The following PDE9A variants were observed in gnomAD, a reference collection of about 807,000 sequenced individuals.
PDE9A encodes phosphodiesterase 9A.
Under a neutral mutation model 87.4 loss-of-function variants are expected in PDE9A, and 60 were observed. The observed-to-expected ratio is 0.69, with a 90% CI of 0.56 to 0.85. The LOEUF (loss-of-function observed/expected upper bound fraction) is 0.85, where lower values mean the gene tolerates loss of function less well. PDE9A is among the 40% of genes least tolerant of loss of function. The pLI, the probability that PDE9A is intolerant of heterozygous loss-of-function variation, is 0.00. For missense variants in PDE9A, 665 were observed against 779.0 expected (o/e 0.85, Z 1.74); for synonymous variants, 272 against 279.4 (o/e 0.97, Z 0.27).
At chr21:42,773,124 TTGTGGCG>T (rs1272314155) in intron 19 of PDE9A, among the ~76,000 whole-genome samples, 1 of 151,016 alleles carries the variant, frequency 6.6e-6, no homozygotes, top group Non-Finnish European at 1.5e-5. Context: ...TAGCCAGGTG[TTGTGGCG>T]TGCACCTGTA....
At chr21:42,661,049 TGAGATGGA>T (rs1283757813) in intron 1 of PDE9A, among the ~76,000 whole-genome samples, 60 of 151,540 alleles carry the variant, frequency 4.0e-4, no homozygotes, top group Non-Finnish European at 1.0e-4. Flanking sequence ...TTTTTTTTTT[TGAGATGGA>T]GTCTCGCTCT....
At chr21:42,765,137 G>A (rs2056267323) in intron 14 of PDE9A, among the ~76,000 whole-genome samples, 1 of 151,944 alleles carries the variant, frequency 6.6e-6, no homozygotes, top group Non-Finnish European at 1.5e-5. Flanking sequence ...ATGGATGGAA[G>A]GGCAGATGGA....
chr21:42,754,119 G>T, intron 10 of PDE9A, 55 bp downstream of exon 10: 1 of 1,042,050 alleles, frequency 9.6e-7, no homozygotes, highest in Non-Finnish European at 1.5e-6. Context: ...TCAGGATCTT[G>T]GACGCCAGTG....
At chr21:42,730,887 T>C (rs1056915839) in intron 4 of PDE9A, among the ~76,000 whole-genome samples, 1 of 152,238 alleles carries the variant, frequency 6.6e-6, no homozygotes, top group Admixed American at 6.5e-5. Flanking sequence ...TGTGAACATT[T>C]TTAGCTTCTG....
intron 4 of PDE9A, among the ~76,000 whole-genome samples, chr21:42,718,089 C>CG (rs1477539403): frequency 6.6e-6 from 1 of 150,882 alleles, no homozygotes; most frequent in Non-Finnish European, 1.5e-5. Context: ...TTAGTAGAGA[C>CG]AGGATTTCAC....
chr21:42,720,768 G>A (rs1466184860), intron 4 of PDE9A, among the ~76,000 whole-genome samples: 1 of 151,988 alleles, frequency 6.6e-6, no homozygotes, highest in Non-Finnish European at 1.5e-5. Context: ...CACTTTGGGA[G>A]GCCGAGGTGG....
At chr21:42,706,774 C>T (rs577835265) in intron 4 of PDE9A, among the ~76,000 whole-genome samples, 13 of 152,132 alleles carry the variant, frequency 8.5e-5, no homozygotes, top group Non-Finnish European at 1.8e-4. Flanking sequence ...AGCAGTCCCC[C>T]CTCCATCCCC....
At position 42,705,379 on chromosome 21, in the gene PDE9A, C is replaced by T. The variant is rs2048736021; in HGVS notation, c.262+6368C>T. Among the ~76,000 whole-genome samples the T allele has an allele frequency of 6.6e-6, 1 of 152,078 alleles. No individual in the cohort carries two copies. The highest frequency in any genetic ancestry group is 2.1e-4 in the South Asian group (1 of 4,814). Reference sequence around the variant, plus strand: ...GCTCAAACTCAAAGAGTGTTGTTTTCCAGATTATAAAACACAGATCTCAGC... The same window carrying T: ...GCTCAAACTCAAAGAGTGTTGTTTTTCAGATTATAAAACACAGATCTCAGC... On this transcript the variant is annotated intron_variant, in intron 4 of 19. Coordinates refer to ENST00000291539, the MANE Select transcript of PDE9A (RefSeq NM_002606.3). This position sits in a 1 kb window ranked among gnomAD's most constrained non-coding sequence, Gnocchi z 4.3.
intron 14 of PDE9A, among the ~76,000 whole-genome samples, chr21:42,763,747 C>T (rs2056068213): frequency 6.6e-6 from 1 of 152,200 alleles, no homozygotes; most frequent in Non-Finnish European, 1.5e-5. Context: ...AGAAAGACTG[C>T]CTGGACTTCA....
rs2051943942 is a variant in PDE9A at position 42,732,706 on chromosome 21, G to T, written c.497+582G>T. Among the ~76,000 whole-genome samples, 3 of 152,162 alleles carry T rather than the reference G, an allele frequency of 2.0e-5. No individual in the cohort carries two copies. In the South Asian group the frequency reaches 6.2e-4, roughly 32 times the overall value. ...GAGGCGGGCAGATCACCTGAGGTCG[G>T]GAGTTCAAGACCAGCCTGACCAACA... On this transcript the variant is annotated intron_variant, in intron 6 of 19. Transcript: ENST00000291539.
Position 42,770,810 on chromosome 21 carries a change from T to C in PDE9A, c.1686+12T>C. Reference sequence around the variant, plus strand: ...ACGCCATGAAAGAGGTAAAACACACTGAGAAGAGCCTGCCTTCCTTGCGGC... The same window carrying C: ...ACGCCATGAAAGAGGTAAAACACACCGAGAAGAGCCTGCCTTCCTTGCGGC... On this transcript the variant is annotated intron_variant, in intron 18 of 19. Transcript: ENST00000291539. 18 of 1,600,980 alleles carry C rather than the reference T, an allele frequency of 1.1e-5. No homozygotes were observed. The highest frequency in any genetic ancestry group is 1.5e-5 in the Non-Finnish European group (17 of 1,168,140).
chr21:42,653,898 A>T lies in PDE9A; in HGVS notation c.69+15A>T. ...GCATTCAGAAGGTAGCCCCTCCCCC[A>T]CCCAGACACCCCCTCCTCCCCCCGG... On this transcript the variant is annotated intron_variant, in intron 1 of 19. Transcript: ENST00000291539. 1 of 1,413,790 alleles carries T rather than the reference A, an allele frequency of 7.1e-7. No individual in the cohort carries two copies. Among genetic ancestry groups the T allele is most frequent in the Non-Finnish European group, 9.7e-7 (1 of 1,032,300 alleles). The allele number at this position is 1,413,790 out of a possible 1,614,324, so 87.6% of individuals were successfully genotyped here. A position where few individuals can be genotyped will look rare whatever the true frequency, so the allele number is the denominator to read the frequency against.
intron 1 of PDE9A, among the ~76,000 whole-genome samples, chr21:42,662,305 G>A (rs2057564461): frequency 6.6e-6 from 1 of 151,948 alleles, no homozygotes. Context: ...GTGCGTGAAG[G>A]GCCAGCTCAC....
rs1195593907 is a variant in PDE9A at position 42,695,178 on chromosome 21, T to TG, written c.219-3788dup. Among the ~76,000 whole-genome samples the TG allele has an allele frequency of 6.6e-6, 1 of 152,244 alleles. No individual in the cohort carries two copies. The highest frequency in any genetic ancestry group is 1.5e-5 in the Non-Finnish European group (1 of 68,044). The stretch of plus-strand genomic sequence containing the variant: ...ATTGGCTTCCACTCCCTTTTAGAGC[T>TG]GGCAAGAAAAATAATTGATGACTAA... On this transcript the variant is annotated intron_variant, in intron 3 of 19. Transcript: ENST00000291539. This position sits in a 1 kb window ranked among gnomAD's most constrained non-coding sequence, Gnocchi z 4.3.
chr21:42,752,162 G>A (rs1411727777), intron 9 of PDE9A, among the ~76,000 whole-genome samples: 2 of 152,212 alleles, frequency 1.3e-5, no homozygotes, highest in Non-Finnish European at 2.9e-5. Flanking sequence ...TGATGGCAGA[G>A]CCTTCCACAG....
intron 4 of PDE9A, among the ~76,000 whole-genome samples, chr21:42,719,648 A>ACT (rs2050288630): frequency 6.9e-6 from 1 of 144,972 alleles, no homozygotes; most frequent in African/African-American, 2.5e-5. Flanking sequence ...TCAAAAAAAA[A>ACT]AAAAAAAAAA....
In PDE9A at chr21:42,694,441, G is replaced by C. The variant is rs1482186682; in HGVS notation, c.219-4527G>C. ...TTCTTCCCAGATTCACAGCCATAGGGTGGGCGTTTCATGAAATCTCCAAAT... is the reference window on the plus strand; with the variant it reads ...TTCTTCCCAGATTCACAGCCATAGGCTGGGCGTTTCATGAAATCTCCAAAT... On this transcript the variant is annotated intron_variant, in intron 3 of 19. Coordinates refer to ENST00000291539, the MANE Select transcript of PDE9A (RefSeq NM_002606.3). This position sits in a 1 kb window ranked among gnomAD's most constrained non-coding sequence, Gnocchi z 5.3. 6.6e-6 allele frequency among the ~76,000 whole-genome samples: 1 copy of C among 152,148 alleles called. No individual in the cohort carries two copies. Among genetic ancestry groups the C allele is most frequent in the African/African-American group, 2.4e-5 (1 of 41,418 alleles).
At chr21:42,749,857 G>T (rs928377563) in intron 8 of PDE9A, among the ~76,000 whole-genome samples, 7 of 152,264 alleles carry the variant, frequency 4.6e-5, no homozygotes, top group Admixed American at 6.5e-5. Flanking sequence ...GTACAAAGGG[G>T]CTGGGCGCAG....
intron 4 of PDE9A, among the ~76,000 whole-genome samples, chr21:42,710,355 G>A (rs886670838): frequency 6.7e-6 from 1 of 149,510 alleles, no homozygotes; most frequent in Admixed American, 6.7e-5. Context: ...GTTGCAGTGA[G>A]CAGAGGTTGC....
Sources: gnomAD v4.1 joint callset for allele counts (sites outside exome capture counted in the v4.1 genomes callset) on GRCh38, gnomAD v4.1.1 for gene constraint, Gnocchi (gnomAD v3.1) non-coding constraint, MANE v1.5 for transcripts, NCBI Gene and HGNC (gene_info 2026-07-23, HGNC 2026-07-21) for gene names.